Variants in STAG1 observed in about 807,000 individuals in gnomAD.
STAG1 encodes STAG1 cohesin complex component.
Under a neutral mutation model 170.9 loss-of-function variants are expected in STAG1, and 26 were observed. The ratio of observed to expected loss-of-function variants is 0.15; its 90% CI spans 0.11 to 0.21. The LOEUF is 0.21. Ranked by LOEUF, STAG1 falls within the 10% of genes least tolerant of loss-of-function variation. The pLI, the probability that STAG1 is intolerant of heterozygous loss-of-function variation, is 1.00. For synonymous variants in STAG1, 514 were observed against 497.7 expected (o/e 1.03, Z -0.44); for missense variants, 964 against 1,509.5 (o/e 0.64, Z 5.99).
chr3:136,445,379 A>C (rs1282881252), intron 14 of STAG1, among the ~76,000 whole-genome samples: 1 of 152,228 alleles, frequency 6.6e-6, no homozygotes, highest in Non-Finnish European at 1.5e-5. Flanking sequence ...CAATGGCAGC[A>C]GAAAAAAGAA....
At chr3:136,359,348 G>T in intron 26 of STAG1, 52 bp from the exon 27 acceptor site, 1 of 1,335,540 alleles carries the variant, frequency 7.5e-7, no homozygotes, top group Non-Finnish European at 1.0e-6. Context: ...ATTTTAAACA[G>T]TTATTTTCAG....
At chr3:136,630,774 T>A (rs1021804424) in intron 2 of STAG1, 96 bp downstream of exon 2, 1 of 880,440 alleles carries the variant, frequency 1.1e-6, no homozygotes, top group Non-Finnish European at 1.8e-6. Context: ...AAGAACATAT[T>A]TGAAATGTAT....
intron 5 of STAG1, among the ~76,000 whole-genome samples, chr3:136,561,902 T>A (rs1936858299): frequency 6.6e-6 from 1 of 152,076 alleles, no homozygotes; most frequent in African/African-American, 2.4e-5. Flanking sequence ...TCTGAATACC[T>A]TCCACCCAAA....
intron 4 of STAG1, among the ~76,000 whole-genome samples, chr3:136,583,597 T>C (rs565719975): frequency 6.6e-6 from 1 of 152,262 alleles, no homozygotes; most frequent in East Asian, 1.9e-4. Context: ...GACACCAGCC[T>C]GGCCAACGTG....
chr3:136,673,250 A>T (rs977178447), intron 1 of STAG1, among the ~76,000 whole-genome samples: 2 of 152,224 alleles, frequency 1.3e-5, no homozygotes, highest in Admixed American at 6.5e-5. Flanking sequence ...TACGTAGCAA[A>T]GGGTTAGACA....
chr3:136,376,791 C>G (rs182484799), intron 23 of STAG1, among the ~76,000 whole-genome samples: 2 of 151,736 alleles, frequency 1.3e-5, no homozygotes, highest in Admixed American at 1.3e-4. Flanking sequence ...GTGTAGAATT[C>G]TTTTTTTTAA....
intron 7 of STAG1, among the ~76,000 whole-genome samples, chr3:136,520,812 G>A (rs186948709): frequency 2.6e-4 from 40 of 152,154 alleles, no homozygotes; most frequent in African/African-American, 9.4e-4. Context: ...ATATAAACAA[G>A]TATTTACCCA....
chr3:136,571,984 A>C (rs1209663825), intron 4 of STAG1, among the ~76,000 whole-genome samples: 1 of 152,184 alleles, frequency 6.6e-6, no homozygotes, highest in Non-Finnish European at 1.5e-5. Flanking sequence ...GGAGTTCCAG[A>C]CCAGCCTGGC....
intron 4 of STAG1, 110 bp downstream of exon 4, chr3:136,604,199 T>C: frequency 1.0e-6 from 1 of 966,418 alleles, no homozygotes; most frequent in Non-Finnish European, 1.5e-6. Context: ...ACTGAAAGGT[T>C]GCTTACATAA....
intron 1 of STAG1, among the ~76,000 whole-genome samples, chr3:136,696,598 G>A (rs1942899002): frequency 6.6e-6 from 1 of 152,036 alleles, no homozygotes; most frequent in South Asian, 2.1e-4. Flanking sequence ...GCTGACAGTG[G>A]GGGAGGTTGT....
intron 31 of STAG1, among the ~76,000 whole-genome samples, 175 bp downstream of exon 31, chr3:136,341,266 G>A (rs1935958644): frequency 6.6e-6 from 1 of 152,224 alleles, no homozygotes; most frequent in South Asian, 2.1e-4. Context: ...GCAGAGCTAG[G>A]ATTTAAATGC....
At chr3:136,591,216 T>G (rs1439397587) in intron 4 of STAG1, among the ~76,000 whole-genome samples, 1 of 46,532 alleles carries the variant, frequency 2.1e-5, no homozygotes, top group Non-Finnish European at 4.2e-5. Flanking sequence ...GAGTCTTTTT[T>G]CAAAAAAAAA....
chr3:136,510,040 T>C (rs1933968445), intron 7 of STAG1, among the ~76,000 whole-genome samples: 2 of 152,336 alleles, frequency 1.3e-5, no homozygotes, highest in Admixed American at 1.3e-4. Context: ...CATTTATCTC[T>C]TAAAAAACAA....
chr3:136,663,865 G>A (rs564344257), intron 1 of STAG1, among the ~76,000 whole-genome samples: 1 of 152,036 alleles, frequency 6.6e-6, no homozygotes, highest in African/African-American at 2.4e-5. Context: ...TAAAACAACC[G>A]AGATCCAACT....
chr3:136,450,298 C>T (rs1278129035), intron 14 of STAG1, among the ~76,000 whole-genome samples: 3 of 152,078 alleles, frequency 2.0e-5, no homozygotes, highest in Admixed American at 1.3e-4. Flanking sequence ...ATCTCAGGCC[C>T]CATTCTAGAG....
chr3:136,720,098 C>T (rs527602919), intron 1 of STAG1, among the ~76,000 whole-genome samples: 5 of 151,100 alleles, frequency 3.3e-5, no homozygotes, highest in South Asian at 2.1e-4. Context: ...ATCGCTTGAA[C>T]TCGGGAGGCA....
At chr3:136,364,169 G>A (rs562324264) in intron 25 of STAG1, among the ~76,000 whole-genome samples, 1 of 151,934 alleles carries the variant, frequency 6.6e-6, no homozygotes, top group East Asian at 1.9e-4. Flanking sequence ...TACAACCTCT[G>A]CCTCCTGGGT....
intron 5 of STAG1, among the ~76,000 whole-genome samples, chr3:136,557,288 C>T (rs1379258038): frequency 2.0e-5 from 3 of 152,026 alleles, no homozygotes; most frequent in Admixed American, 1.3e-4. Flanking sequence ...GACCAATTAG[C>T]AGAATAGAGA....
chr3:136,739,334 T>C (rs1455670643), intron 1 of STAG1, among the ~76,000 whole-genome samples: 1 of 151,948 alleles, frequency 6.6e-6, no homozygotes, highest in Middle Eastern at 3.4e-3. Flanking sequence ...CTTGGCAACA[T>C]GGTGAGACCC....
Sources: gnomAD v4.1 joint callset for allele counts (sites outside exome capture counted in the v4.1 genomes callset) on GRCh38, gnomAD v4.1.1 for gene constraint, MANE v1.5 for transcripts, NCBI Gene and HGNC (gene_info 2026-07-23, HGNC 2026-07-21) for gene names.